DHX33: variants seen among roughly 807,000 people sequenced by gnomAD.
The protein encoded by DHX33 is ATP-dependent RNA helicase DHX33.
In DHX33, 42 loss-of-function variants were observed where a neutral mutation model predicts 72.5. The observed-to-expected ratio is 0.58, with a 90% CI of 0.45 to 0.75. The LOEUF (loss-of-function observed/expected upper bound fraction) is 0.75, where lower values mean the gene tolerates loss of function less well. Among genes scored for constraint, DHX33 ranks in the 30% least tolerant of loss-of-function variants. The pLI, the probability that DHX33 is intolerant of heterozygous loss-of-function variation, is 0.00. For missense variants in DHX33, 842 were observed against 917.5 expected (o/e 0.92, Z 1.06); for synonymous variants, 358 against 366.1 (o/e 0.98, Z 0.25).
At chr17:5,458,922 G>C (rs559170547) in intron 4 of DHX33, among the ~76,000 whole-genome samples, 1 of 152,202 alleles carries the variant, frequency 6.6e-6, no homozygotes, top group South Asian at 2.1e-4. Context: ...AATTGACTGG[G>C]CACGGTTTCT....
At position 5,445,899 on chromosome 17, in the gene DHX33, G is replaced by A. The variant is rs117490138; in HGVS notation, c.1816-1386C>T. On this transcript the variant is annotated intron_variant, in intron 11 of 11. Transcript: ENST00000225296. ...TTCTCAGAGATACCTTTCCATCCTTGGAAGAATCTTTATTTTGTCCTTTAT... is the reference window on the plus strand; with the variant it reads ...TTCTCAGAGATACCTTTCCATCCTTAGAAGAATCTTTATTTTGTCCTTTAT... Among the ~76,000 whole-genome samples the A allele has an allele frequency of 6.6e-5, 10 of 152,216 alleles. No individual in the cohort carries two copies. The East Asian group carries it at 1.9e-3, about 29-fold the overall frequency.
intron 2 of DHX33, 27 bp from the exon 3 acceptor site, chr17:5,462,573 C>A: frequency 1.3e-6 from 2 of 1,578,592 alleles, no homozygotes; most frequent in South Asian, 2.2e-5. Flanking sequence ...TTTATTCAGT[C>A]ACCAAACATT....
At chr17:5,463,494 C>T (rs1411497157) in intron 2 of DHX33, 35 bp downstream of exon 2, 13 of 1,604,784 alleles carry the variant, frequency 8.1e-6, no homozygotes, top group Non-Finnish European at 1.1e-5. Flanking sequence ...GCTGTTGAGT[C>T]AAGAAGTACT....
intron 8 of DHX33, 56 bp from the exon 9 acceptor site, chr17:5,450,990 CTAGTTCAG>C: frequency 1.3e-6 from 2 of 1,593,280 alleles, no homozygotes; most frequent in Non-Finnish European, 1.7e-6. Context: ...GAAGTTGCAG[CTAGTTCAG>C]TATTTCTGGG....
At chr17:5,452,531 C>T (rs1175139662) in intron 8 of DHX33, among the ~76,000 whole-genome samples, 1 of 151,704 alleles carries the variant, frequency 6.6e-6, no homozygotes, top group Non-Finnish European at 1.5e-5. Flanking sequence ...CAGAGTGAGA[C>T]CCTGTCTCAA....
At chr17:5,461,134 A>T (rs769388334) in intron 3 of DHX33, 25 bp from the exon 4 acceptor site, 43 of 1,589,630 alleles carry the variant, frequency 2.7e-5, no homozygotes, top group Non-Finnish European at 3.7e-5. Flanking sequence ...GAAGAGGAGG[A>T]CCAGAAACAA....
intron 4 of DHX33, among the ~76,000 whole-genome samples, chr17:5,456,642 G>A (rs768507290): frequency 1.3e-5 from 2 of 152,284 alleles, no homozygotes; most frequent in South Asian, 4.1e-4. Context: ...ATGTTTATAG[G>A]CCAAGTGATG....
rs1916770594 is a variant in DHX33, at chr17:5,448,895, C to A, written c.1729G>T (p.Asp577Tyr). Residue 577 changes from aspartate to tyrosine, a missense_variant and splice_region_variant, in exon 11 of 12, where the codon GAT (aspartate) becomes TAT (tyrosine). Asp to Tyr is a radical substitution (Grantham distance 160). Coordinates refer to ENST00000225296, the MANE Select transcript of DHX33 (RefSeq NM_020162.4). The part of the protein sequence containing the change: ...RTFKNLGGNK[D>Y]WCKENFVNSK... Reference sequence around the variant, plus strand: ...TTGACAAAATTCTCTTTGCACCAATCCTGAATAGGAGAAAGAGTGATATCA... The same window carrying A: ...TTGACAAAATTCTCTTTGCACCAATACTGAATAGGAGAAAGAGTGATATCA... 6.2e-7 allele frequency: 1 copy of A among 1,611,564 alleles called. No homozygotes were observed. The highest frequency in any genetic ancestry group is 8.5e-7 in the Non-Finnish European group (1 of 1,178,292).
At chr17:5,457,145 A>T (rs1904355852) in intron 4 of DHX33, among the ~76,000 whole-genome samples, 1 of 152,138 alleles carries the variant, frequency 6.6e-6, no homozygotes. Context: ...TGTCTCTACT[A>T]AAAATACAAA....
At chr17:5,449,310 G>A (rs188252985) in intron 10 of DHX33, among the ~76,000 whole-genome samples, 2 of 151,598 alleles carry the variant, frequency 1.3e-5, no homozygotes, top group African/African-American at 4.8e-5. Flanking sequence ...CTCTAGAATT[G>A]ATTTTAAAAG....
intron 3 of DHX33, 85 bp from the exon 4 acceptor site, chr17:5,461,194 T>C (rs1904590494): frequency 1.4e-6 from 2 of 1,428,996 alleles, no homozygotes; most frequent in African/African-American, 1.4e-5. Flanking sequence ...AAGCAGATGA[T>C]TGAGGCCTGT....
rs1381051125 is a variant in DHX33 at position 5,468,816 on chromosome 17, G to A, written c.44C>T (p.Pro15Leu). The change falls in exon 1 of 12, where the codon CCA becomes CTA. Residue 15 changes from proline to leucine, a missense_variant. Physicochemically the swap from Pro to Leu is moderately conservative, Grantham distance 98. Coordinates refer to ENST00000225296, the MANE Select transcript of DHX33 (RefSeq NM_020162.4). ...AGCGCGGCTCGGAGGTCCAGAGCCT[G>A]GCCGGAATCTCTTGGCCGGCGGGAA... ...AGFPPAKRFR[P>L]GSGPPSRAGS... 2 of 1,584,108 alleles carry A rather than the reference G, an allele frequency of 1.3e-6. No individual in the cohort carries two copies. The highest frequency in any genetic ancestry group is 1.3e-5 in the African/African-American group (1 of 74,124).
chr17:5,468,463 G>A, intron 1 of DHX33, 108 bp downstream of exon 1: 3 of 1,378,608 alleles, frequency 2.2e-6, no homozygotes, highest in Non-Finnish European at 2.9e-6. Flanking sequence ...AAGGTATTCA[G>A]GTTTGTTGAA....
In DHX33 at chr17:5,468,602, C is replaced by G; in HGVS notation, c.258G>C (p.Gln86His). The change falls in exon 1 of 12, where the codon CAG (glutamine) becomes CAC (histidine). Residue 86 changes from glutamine to histidine, a missense_variant. By Grantham distance (24) the Gln-to-His change is conservative (BLOSUM62 0). Transcript: ENST00000225296. ...IFQARGQLLA[Q>H]LRNLDNAVLI... ...GGACCGCGTTGTCCAGGTTTCGGAG[C>G]TGGGCCAACAGTTGCCCCCGCGCTT... The G allele has an allele frequency of 6.2e-7, 1 of 1,608,626 alleles. No individual in the cohort carries two copies. The highest frequency in any genetic ancestry group is 1.1e-5 in the South Asian group (1 of 90,076).
Position 5,456,066 on chromosome 17 carries a change from C to G in DHX33, c.966G>C (p.Met322Ile). 6.2e-7 allele frequency: 1 copy of G among 1,613,730 alleles called. No individual in the cohort carries two copies. The highest frequency in any genetic ancestry group is 8.5e-7 in the Non-Finnish European group (1 of 1,180,030). The change falls in exon 5 of 12, where the codon ATG (methionine) becomes ATC (isoleucine). Residue 322 changes from methionine (M) to isoleucine (I), a missense_variant. Transcript: ENST00000225296. ...AKHLPDGCPAMLVLPLYASLP... is the reference protein window; with the variant it reads ...AKHLPDGCPAILVLPLYASLP... Reference sequence around the variant, plus strand: ...GGGAGGCGTACAGAGGAAGGACCAGCATCGCAGGGCAGCCGTCTGGGAGGT... The same window carrying G: ...GGGAGGCGTACAGAGGAAGGACCAGGATCGCAGGGCAGCCGTCTGGGAGGT...
intron 11 of DHX33, among the ~76,000 whole-genome samples, chr17:5,445,023 C>T (rs935856349): frequency 6.6e-6 from 1 of 152,184 alleles, no homozygotes; most frequent in South Asian, 2.1e-4. Flanking sequence ...GGTGAAGCCA[C>T]GAAGGAGCCA....
At position 5,453,568 on chromosome 17, in the gene DHX33, G is replaced by A; in HGVS notation, c.1396+12C>T. 6.2e-7 allele frequency: 1 copy of A among 1,613,366 alleles called. No individual in the cohort carries two copies. Among genetic ancestry groups the A allele is most frequent in the Non-Finnish European group, 8.5e-7 (1 of 1,179,334 alleles). ...CTCACCCACCTTCTGCAAAACTGTG[G>A]ATTTCACTTACCTGGAGATGGCTTC... On this transcript the variant is annotated intron_variant, in intron 8 of 11. Coordinates refer to ENST00000225296, the MANE Select transcript of DHX33 (RefSeq NM_020162.4).
chr17:5,464,039 A>G (rs1210687448), intron 1 of DHX33, among the ~76,000 whole-genome samples: 1 of 151,538 alleles, frequency 6.6e-6, no homozygotes, highest in Admixed American at 6.6e-5. Context: ...AAAAATAAAA[A>G]AAGAAATGCA....
Position 5,441,146 on chromosome 17 carries a change from CACAGTTCCAG to C in DHX33, c.*3049_*3058del, listed in dbSNP as rs1916422469. The C allele has an allele frequency of 8.4e-6, 1 of 118,822 alleles. No individual in the cohort carries two copies. The highest frequency in any genetic ancestry group is 3.4e-5 in the African/African-American group (1 of 29,536). 7.4% of individuals were successfully genotyped at this position (118,822 alleles called of 1,614,324 possible). ...TTAAAGAAAAAAAAAAATGCATGGCCACAGTTCCAGGCAGTTCCTGGTAGCTGGATTTAGT... is the reference window on the plus strand; with the variant it reads ...TTAAAGAAAAAAAAAAATGCATGGCCGCAGTTCCTGGTAGCTGGATTTAGT... On this transcript the variant is annotated 3_prime_UTR_variant, in exon 12 of 12. Transcript: ENST00000225296.
Sources: allele counts gnomAD v4.1 joint callset (sites outside exome capture counted in the v4.1 genomes callset), GRCh38; gene constraint gnomAD v4.1.1; transcripts MANE v1.5; gene names NCBI Gene and HGNC (gene_info 2026-07-23, HGNC 2026-07-21).